Variants in HEATR5B observed in about 807,000 individuals in gnomAD.
HEATR5B encodes HEAT repeat containing 5B, also known as HEAT repeat-containing protein 5B.
HEATR5B carries 156 observed loss-of-function variants against 224.1 expected under a neutral mutation model. That is an observed-to-expected ratio of 0.70 (90% confidence interval 0.61 to 0.80). The LOEUF is 0.80. Among genes scored for constraint, HEATR5B ranks in the 30% least tolerant of loss-of-function variants. The probability of loss-of-function intolerance (pLI) is 0.00; values close to 1 mark genes in which losing one functional copy is unlikely to be tolerated. For synonymous variants in HEATR5B, 1,027 were observed against 893.0 expected (o/e 1.15, Z -2.68); for missense variants, 2,323 against 2,535.5 (o/e 0.92, Z 1.80).
intron 21 of HEATR5B, among the ~76,000 whole-genome samples, chr2:37,035,425 T>G (rs1220926246): frequency 6.6e-6 from 1 of 152,224 alleles, no homozygotes; most frequent in African/African-American, 2.4e-5. Flanking sequence ...GTGTTCCATT[T>G]GTCTACTTGA....
chr2:37,002,664 T>C, intron 31 of HEATR5B, 92 bp from the exon 32 acceptor site: 1 of 1,266,574 alleles, frequency 7.9e-7, no homozygotes, highest in Non-Finnish European at 1.1e-6. Context: ...CAAAAGAATT[T>C]ATAAGCAAAT....
chr2:37,065,920 C>T lies in HEATR5B; in HGVS notation c.1178-10G>A. ...TCATTCACTACTGCTTCTGGAAACA[C>T]AAAATCATGTCTTTGACATAGGAGA... On this transcript the variant is annotated splice_polypyrimidine_tract_variant and intron_variant, in intron 8 of 35. Transcript: ENST00000233099. 4 of 1,597,100 alleles carry T rather than the reference C, an allele frequency of 2.5e-6. No individual in the cohort carries two copies. The highest frequency in any genetic ancestry group is 3.4e-6 in the Non-Finnish European group (4 of 1,167,056).
intron 35 of HEATR5B, among the ~76,000 whole-genome samples, chr2:36,988,351 C>T (rs939435509): frequency 6.6e-5 from 10 of 151,894 alleles, no homozygotes; most frequent in Admixed American, 1.3e-4. Flanking sequence ...CAACCTCCAA[C>T]TCCCGGGTCC....
intron 17 of HEATR5B, among the ~76,000 whole-genome samples, chr2:37,052,511 A>T (rs146197102): frequency 2.7e-4 from 41 of 152,392 alleles, no homozygotes; most frequent in African/African-American, 9.6e-4. Flanking sequence ...GATTTCAGAC[A>T]GAAGATTTGT....
At chr2:37,020,411 A>T (rs1288730800) in intron 25 of HEATR5B, among the ~76,000 whole-genome samples, 1 of 152,218 alleles carries the variant, frequency 6.6e-6, no homozygotes, top group African/African-American at 2.4e-5. Context: ...GCTGAGCTGG[A>T]ATTTCTATTC....
chr2:37,028,722 T>C lies in HEATR5B; in HGVS notation c.3560A>G (p.His1187Arg). Residue 1187 changes from histidine to arginine, a missense_variant, in exon 23 of 36, where the codon CAT becomes CGT. His to Arg is a conservative substitution (Grantham distance 29, BLOSUM62 0). Transcript: ENST00000233099. ...GACATCTTTACAAAGCATTAGCCAA[T>C]GAGAAAGTTTTTCTACTGCCAGCGA... ...LSSLAVEKLSHWLMLCKDVLA... is the reference protein window; with the variant it reads ...LSSLAVEKLSRWLMLCKDVLA... The C allele has an allele frequency of 6.2e-7, 1 of 1,614,012 alleles. No homozygotes were observed. The highest frequency in any genetic ancestry group is 8.5e-7 in the Non-Finnish European group (1 of 1,179,906).
intron 21 of HEATR5B, among the ~76,000 whole-genome samples, chr2:37,036,122 C>T (rs1669459491): frequency 6.6e-6 from 1 of 151,950 alleles, no homozygotes. Flanking sequence ...GTAATTCTTA[C>T]CCTGTAGAGT....
intron 30 of HEATR5B, among the ~76,000 whole-genome samples, chr2:37,004,320 T>C (rs1383074770): frequency 6.6e-6 from 1 of 151,246 alleles, no homozygotes; most frequent in Non-Finnish European, 1.5e-5. Flanking sequence ...CCTAACCTAT[T>C]TGACTTCCTA....
At chr2:37,036,365 T>C (rs17404648) in intron 21 of HEATR5B, among the ~76,000 whole-genome samples, 43,460 of 152,108 alleles carry the variant, frequency 0.29, 6,645 homozygotes, top group Non-Finnish European at 0.33. Flanking sequence ...CACTAACTAA[T>C]TGGCTCTTTA....
At chr2:37,042,848 C>T (rs1012384954) in intron 18 of HEATR5B, among the ~76,000 whole-genome samples, 18 of 147,984 alleles carry the variant, frequency 1.2e-4, no homozygotes, top group African/African-American at 3.0e-4. Flanking sequence ...GCCAAGATCG[C>T]GCCACTGCAC....
At chr2:37,027,829 C>A in intron 24 of HEATR5B, 94 bp downstream of exon 24, 1 of 1,276,118 alleles carries the variant, frequency 7.8e-7, no homozygotes, top group Non-Finnish European at 1.1e-6. Context: ...TATTCTAAAG[C>A]ACGCTATATC....
intron 24 of HEATR5B, among the ~76,000 whole-genome samples, chr2:37,022,588 T>C (rs956234565): frequency 2.6e-5 from 4 of 152,194 alleles, no homozygotes; most frequent in African/African-American, 9.6e-5. Flanking sequence ...AAACTTTATT[T>C]ACAAAAAAGG....
rs201875493 is a variant in HEATR5B, at chr2:36,992,697, AT to A, written c.5546-1899del. Among the ~76,000 whole-genome samples the A allele has an allele frequency of 3.4e-3, 517 of 152,290 alleles. 32 individuals are homozygous for A. In the East Asian group the frequency reaches 0.088, roughly 26 times the overall value. On this transcript the variant is annotated intron_variant, in intron 33 of 35. Transcript: ENST00000233099. ...CTCAGAGTTGGCAATGCTGCAAGCA[AT>A]TTTTTATCAAAAATTATTTTATATT...
intron 26 of HEATR5B, among the ~76,000 whole-genome samples, chr2:37,015,077 G>A (rs1303976187): frequency 1.3e-5 from 2 of 152,222 alleles, no homozygotes; most frequent in African/African-American, 4.8e-5. Flanking sequence ...TTTTATGACT[G>A]TAATATGGGA....
rs755120446 is a variant in HEATR5B, at chr2:37,019,704, A to G, written c.4104+105T>C. ...ACTCCTGAATTCAAGCGATCCTCCC[A>G]TGTTGGTCTCCCAAATTTTTCTCTA... On this transcript the variant is annotated intron_variant, in intron 26 of 35. Transcript: ENST00000233099. The G allele has an allele frequency of 5.5e-6, 4 of 727,128 alleles. 1 individual carries two copies. Among genetic ancestry groups the G allele is most frequent in the South Asian group, 5.1e-5 (3 of 58,814 alleles). The allele number at this position is 727,128 out of a possible 1,614,324, so 45.0% of individuals were successfully genotyped here.
chr2:37,075,422 A>T (rs74262680), intron 5 of HEATR5B, 63 bp downstream of exon 5: 1 of 1,185,510 alleles, frequency 8.4e-7, no homozygotes, highest in Non-Finnish European at 1.1e-6. Flanking sequence ...AGAAAAAAAA[A>T]TCGTTGACTG....
At chr2:37,026,885 G>A (rs549327657) in intron 24 of HEATR5B, among the ~76,000 whole-genome samples, 2 of 152,114 alleles carry the variant, frequency 1.3e-5, no homozygotes, top group East Asian at 1.9e-4. Context: ...TGCTACCTCC[G>A]CCTCCCAGGT....
intron 33 of HEATR5B, among the ~76,000 whole-genome samples, chr2:36,991,947 C>G (rs932590219): frequency 6.6e-6 from 1 of 152,152 alleles, no homozygotes; most frequent in Non-Finnish European, 1.5e-5. Flanking sequence ...AAAGAGATGT[C>G]GGCTGGGTGT....
At position 37,079,140 on chromosome 2, in the gene HEATR5B, C is replaced by G; in HGVS notation, c.318G>C (p.Ala106=). The G allele has an allele frequency of 6.2e-7, 1 of 1,602,402 alleles. No homozygotes were observed. Among genetic ancestry groups the G allele is most frequent in the Non-Finnish European group, 8.5e-7 (1 of 1,171,978 alleles). Reference sequence around the variant, plus strand: ...CTTACAATTTTGTTGGTAAGTAGGCCGCAGTGTCATCTTTATTTCTGATAA... The same window carrying G: ...CTTACAATTTTGTTGGTAAGTAGGCGGCAGTGTCATCTTTATTTCTGATAA... The part of the protein sequence containing the change: ...NDIIRNKDDT[A]AYLPTKLAAV... Residue 106 remains alanine (A), a synonymous_variant, in exon 3 of 36, where the codon GCG becomes GCC. Coordinates refer to ENST00000233099, the MANE Select transcript of HEATR5B (RefSeq NM_019024.3).
Sources: allele counts gnomAD v4.1 joint callset (sites outside exome capture counted in the v4.1 genomes callset), GRCh38; gene constraint gnomAD v4.1.1; transcripts MANE v1.5; gene names NCBI Gene and HGNC (gene_info 2026-07-23, HGNC 2026-07-21).